Variants in BMPR1B observed in about 807,000 individuals in gnomAD.
BMPR1B encodes the protein bone morphogenetic protein receptor type-1B.
BMPR1B carries 12 observed loss-of-function variants against 59.1 expected under a neutral mutation model. That is an observed-to-expected ratio of 0.20 (90% CI 0.13 to 0.33). BMPR1B has a LOEUF of 0.33. Ranked by LOEUF, BMPR1B falls within the 10% of genes least tolerant of loss-of-function variation. The pLI, the probability that BMPR1B is intolerant of heterozygous loss-of-function variation, is 1.00. For missense variants in BMPR1B, 550 were observed against 610.9 expected (o/e 0.90, Z 1.05); for synonymous variants, 237 against 207.3 (o/e 1.14, Z -1.23).
chr4:94,779,000 T>C (rs1044573165), intron 1 of BMPR1B, among the ~76,000 whole-genome samples: 2 of 152,154 alleles, frequency 1.3e-5, no homozygotes, highest in South Asian at 4.1e-4. Flanking sequence ...TTATGTAGCT[T>C]TAGTGACAGA....
intron 1 of BMPR1B, among the ~76,000 whole-genome samples, chr4:94,834,468 C>G (rs1246132072): frequency 6.6e-6 from 1 of 151,928 alleles, no homozygotes; most frequent in Non-Finnish European, 1.5e-5. Flanking sequence ...TCTTTTTCCT[C>G]TCCACCTCCC....
chr4:95,101,411 G>A (rs769654344), intron 3 of BMPR1B, among the ~76,000 whole-genome samples: 5 of 152,120 alleles, frequency 3.3e-5, no homozygotes, highest in African/African-American at 4.8e-5. Context: ...AAAGAATACT[G>A]CTAGCGTGTA....
chr4:94,913,123 TTTTA>T lies in BMPR1B; in HGVS notation c.-113+37227_-113+37230del, dbSNP rs1163028869. ...AGATTGATGAATATTTGATGTAATT[TTTTA>T]TTTGAGTAAAATTTTATTGAAGAGT... On this transcript the variant is annotated intron_variant, in intron 2 of 12. Coordinates refer to ENST00000515059, the MANE Select transcript of BMPR1B (RefSeq NM_001203.3). 1.1e-4 allele frequency among the ~76,000 whole-genome samples: 16 copies of T among 152,286 alleles called. 1 individual carries two copies. Among genetic ancestry groups the T allele is most frequent in the South Asian group, 4.1e-4 (2 of 4,828 alleles).
intron 3 of BMPR1B, among the ~76,000 whole-genome samples, chr4:95,060,241 A>G (rs1001874972): frequency 6.6e-6 from 1 of 152,148 alleles, no homozygotes; most frequent in African/African-American, 2.4e-5. Flanking sequence ...GTTTGTACAC[A>G]TTGAATTCAA....
chr4:95,139,825 C>A (rs552056205), intron 10 of BMPR1B, among the ~76,000 whole-genome samples: 1 of 152,326 alleles, frequency 6.6e-6, no homozygotes, highest in African/African-American at 2.4e-5. Flanking sequence ...TTTCCAGGTA[C>A]CGTGTGTCAT....
At chr4:95,141,401 G>A (rs948584457) in intron 10 of BMPR1B, among the ~76,000 whole-genome samples, 1 of 152,170 alleles carries the variant, frequency 6.6e-6, no homozygotes, top group African/African-American at 2.4e-5. Flanking sequence ...CTGTGTAATG[G>A]TAAGTGTTCT....
At chr4:94,905,068 T>C (rs552912003) in intron 2 of BMPR1B, among the ~76,000 whole-genome samples, 161 of 152,186 alleles carry the variant, frequency 1.1e-3, no homozygotes, top group Non-Finnish European at 2.0e-3. Context: ...GATGTCTTCA[T>C]TTAAGTCATA....
chr4:95,132,821 C>T (rs551026225), intron 10 of BMPR1B, among the ~76,000 whole-genome samples: 1 of 152,268 alleles, frequency 6.6e-6, no homozygotes, highest in East Asian at 1.9e-4. Flanking sequence ...TCTCTTTGGA[C>T]ACTGCTGTAT....
rs1356476060 is a variant in BMPR1B at position 95,157,623 on chromosome 4, T to C, written c.*2950T>C. The C allele has an allele frequency of 6.6e-6, 1 of 151,140 alleles. No homozygotes were observed. The highest frequency in any genetic ancestry group is 2.4e-5 in the African/African-American group (1 of 41,280). 9.4% of individuals were successfully genotyped at this position (151,140 alleles called of 1,614,324 possible). A position where few individuals can be genotyped will look rare whatever the true frequency, so the allele number is the denominator to read the frequency against. ...TATAGTTTATGTATGTGTGTATATATATAAATATATATGTATATATAAATA... is the reference window on the plus strand; with the variant it reads ...TATAGTTTATGTATGTGTGTATATACATAAATATATATGTATATATAAATA... On this transcript the variant is annotated 3_prime_UTR_variant, in exon 13 of 13. Transcript: ENST00000515059.
chr4:94,960,473 G>C (rs1730312966), intron 2 of BMPR1B, among the ~76,000 whole-genome samples: 1 of 152,108 alleles, frequency 6.6e-6, no homozygotes. Flanking sequence ...AGTAATGTTA[G>C]AGCGTAACAG....
intron 2 of BMPR1B, among the ~76,000 whole-genome samples, chr4:94,891,167 C>T (rs1235957473): frequency 6.6e-6 from 1 of 152,024 alleles, no homozygotes; most frequent in Non-Finnish European, 1.5e-5. Flanking sequence ...TTGTGTGGTA[C>T]ATTAAACACT....
rs1723095639 is a variant in BMPR1B, at chr4:94,794,224, G to A, written c.-183+36156G>A. On this transcript the variant is annotated intron_variant, in intron 1 of 12. Coordinates refer to ENST00000515059, the MANE Select transcript of BMPR1B (RefSeq NM_001203.3). ...GGTGTAAGGAAGGGATCCAGTTTCAGCTTTCTACATATGGCTAGCCAGTTT... is the reference window on the plus strand; with the variant it reads ...GGTGTAAGGAAGGGATCCAGTTTCAACTTTCTACATATGGCTAGCCAGTTT... Among the ~76,000 whole-genome samples, 4 of 139,696 alleles carry A rather than the reference G, an allele frequency of 2.9e-5. No homozygotes were observed. The South Asian group carries it at 9.6e-4, about 33-fold the overall frequency. 91.6% of individuals were successfully genotyped at this position (139,696 alleles called of 152,430 possible).
intron 1 of BMPR1B, among the ~76,000 whole-genome samples, chr4:94,830,281 A>G (rs1176920882): frequency 6.6e-6 from 1 of 152,180 alleles, no homozygotes; most frequent in African/African-American, 2.4e-5. Context: ...CAGAAAAGTT[A>G]ATGTTTTAAC....
At chr4:94,857,866 T>C (rs76435400) in intron 1 of BMPR1B, among the ~76,000 whole-genome samples, 2,524 of 152,362 alleles carry the variant, frequency 0.017, 97 homozygotes, top group East Asian at 0.16. Context: ...AACAATGTGT[T>C]AATGACAAAA....
At chr4:94,867,124 T>C (rs1726278510) in intron 1 of BMPR1B, among the ~76,000 whole-genome samples, 1 of 152,234 alleles carries the variant, frequency 6.6e-6, no homozygotes, top group Non-Finnish European at 1.5e-5. Context: ...TACCTGCGTC[T>C]TAAACTTTTG....
intron 3 of BMPR1B, among the ~76,000 whole-genome samples, chr4:95,018,128 A>G (rs1723715144): frequency 6.6e-6 from 1 of 152,232 alleles, no homozygotes. Flanking sequence ...GAAATATAAA[A>G]TAATTATTAA....
chr4:94,882,189 T>C (rs1370435617), intron 2 of BMPR1B, among the ~76,000 whole-genome samples: 1 of 152,208 alleles, frequency 6.6e-6, no homozygotes, highest in Non-Finnish European at 1.5e-5. Context: ...ATGGATTTTT[T>C]AATTAAAAAA....
rs563289256 is a variant in BMPR1B, at chr4:95,154,756, C to G, written c.*83C>G. On this transcript the variant is annotated 3_prime_UTR_variant, in exon 13 of 13. Transcript: ENST00000515059. Reference sequence around the variant, plus strand: ...GGCAGAGCAAAAGACATCAAATAAGCATCCACAGTACAAGCCTTGAACATC... The same window carrying G: ...GGCAGAGCAAAAGACATCAAATAAGGATCCACAGTACAAGCCTTGAACATC... The G allele has an allele frequency of 8.5e-4, 1,344 of 1,572,038 alleles. 1 individual carries two copies. The highest frequency in any genetic ancestry group is 1.1e-3 in the Non-Finnish European group (1,219 of 1,144,410).
At chr4:94,956,000 A>T (rs13138431) in intron 2 of BMPR1B, among the ~76,000 whole-genome samples, 32,819 of 152,114 alleles carry the variant, frequency 0.22, 3,774 homozygotes, top group Middle Eastern at 0.27. Context: ...TAAATGAGGA[A>T]TCAGATGTTG....
Sources: gnomAD v4.1 joint callset for allele counts (sites outside exome capture counted in the v4.1 genomes callset) on GRCh38, gnomAD v4.1.1 for gene constraint, MANE v1.5 for transcripts, NCBI Gene and HGNC (gene_info 2026-07-23, HGNC 2026-07-21) for gene names.